CPO: variants seen among roughly 807,000 people sequenced by gnomAD.
The protein encoded by CPO is carboxypeptidase O, also known as metallocarboxypeptidase C.
A neutral mutation model predicts 41.2 loss-of-function variants in CPO; 43 were observed. The observed-to-expected ratio is 1.04, with a 90% CI of 0.82 to 1.35. The LOEUF (loss-of-function observed/expected upper bound fraction) is 1.35, where lower values mean the gene tolerates loss of function less well. CPO is among the 40% of genes most tolerant of loss of function. The pLI is 0.00. For synonymous variants in CPO, 178 were observed against 162.7 expected (o/e 1.09, Z -0.72); for missense variants, 408 against 451.7 (o/e 0.90, Z 0.88).
intron 1 of CPO, among the ~76,000 whole-genome samples, chr2:206,943,720 TGGATA>T (rs1559068382): frequency 7.4e-4 from 99 of 133,912 alleles, no homozygotes; most frequent in Non-Finnish European, 1.4e-3. Flanking sequence ...AGATAGATGA[TGGATA>T]GATGATAGAT....
intron 1 of CPO, among the ~76,000 whole-genome samples, chr2:206,942,115 T>C (rs1465424855): frequency 6.6e-6 from 1 of 152,190 alleles, no homozygotes; most frequent in Non-Finnish European, 1.5e-5. Context: ...TAAATGATAC[T>C]ATGTAACATA....
At chr2:206,956,695 T>C (rs553243890) in intron 3 of CPO, among the ~76,000 whole-genome samples, 1 of 152,332 alleles carries the variant, frequency 6.6e-6, no homozygotes, top group South Asian at 2.1e-4. Flanking sequence ...CACTCTTTAA[T>C]TAAGAACCAC....
chr2:206,968,413 G>A, intron 8 of CPO, 66 bp downstream of exon 8: 1 of 895,358 alleles, frequency 1.1e-6, no homozygotes, highest in South Asian at 1.3e-5. Context: ...GACTTTGGAT[G>A]GTGAGATAGG....
intron 2 of CPO, among the ~76,000 whole-genome samples, chr2:206,953,598 G>C (rs149053510): frequency 6.6e-6 from 1 of 152,222 alleles, no homozygotes; most frequent in Non-Finnish European, 1.5e-5. Context: ...AGTGTCTGCA[G>C]TTCTTCCAGG....
At chr2:206,954,406 C>CAA (rs3030108) in intron 2 of CPO, among the ~76,000 whole-genome samples, 85,698 of 151,694 alleles carry the variant, frequency 0.56, 25,042 homozygotes, top group Middle Eastern at 0.74. Flanking sequence ...TAAAGCATAA[C>CAA]GAGTCACCTT....
Position 206,943,678 on chromosome 2 carries a change from A to T in CPO, c.68+4011A>T, listed in dbSNP as rs188150948. 3.3e-3 allele frequency among the ~76,000 whole-genome samples: 226 copies of T among 67,918 alleles called. 1 individual carries two copies. The highest frequency in any genetic ancestry group is 0.015 in the African/African-American group (223 of 15,180). 44.6% of individuals were successfully genotyped at this position (67,918 alleles called of 152,430 possible). A position where few individuals can be genotyped will look rare whatever the true frequency, so the allele number is the denominator to read the frequency against. On this transcript the variant is annotated intron_variant, in intron 1 of 8. Coordinates refer to ENST00000272852, the MANE Select transcript of CPO (RefSeq NM_173077.3). ...GATCAAATGAAGATAGATAGATGAT[A>T]GATAGATAGATAGATAGATAGATAG...
intron 1 of CPO, among the ~76,000 whole-genome samples, chr2:206,942,004 A>G (rs559987169): frequency 6.6e-6 from 1 of 152,242 alleles, no homozygotes; most frequent in East Asian, 1.9e-4. Flanking sequence ...AATAAGAACA[A>G]AGATTTACAC....
At chr2:206,945,726 T>G (rs1693131707) in intron 1 of CPO, among the ~76,000 whole-genome samples, 1 of 152,048 alleles carries the variant, frequency 6.6e-6, no homozygotes, top group African/African-American at 2.4e-5. Context: ...TGTTAAAAAA[T>G]AAAGCATAAA....
chr2:206,964,688 AG>A (rs1693539800), intron 7 of CPO, among the ~76,000 whole-genome samples: 1 of 152,210 alleles, frequency 6.6e-6, no homozygotes, highest in Non-Finnish European at 1.5e-5. Context: ...AGAAATCTAC[AG>A]AATCAGATAT....
intron 1 of CPO, among the ~76,000 whole-genome samples, chr2:206,942,936 C>A (rs895261870): frequency 1.3e-5 from 2 of 152,074 alleles, no homozygotes; most frequent in African/African-American, 4.8e-5. Flanking sequence ...AATCCCAGAC[C>A]ATTCACTTTT....
intron 7 of CPO, among the ~76,000 whole-genome samples, chr2:206,965,755 G>A (rs961373670): frequency 6.6e-6 from 1 of 151,928 alleles, no homozygotes; most frequent in African/African-American, 2.4e-5. Context: ...GCGGGCCGGA[G>A]GTTTTTACAA....
At chr2:206,963,047 C>G (rs1191114597) in intron 7 of CPO, among the ~76,000 whole-genome samples, 1 of 152,220 alleles carries the variant, frequency 6.6e-6, no homozygotes, top group Non-Finnish European at 1.5e-5. Context: ...CTGCTCTCTT[C>G]TCTGCTAAAC....
intron 8 of CPO, among the ~76,000 whole-genome samples, chr2:206,968,753 GCT>G (rs1397008168): frequency 2.0e-5 from 3 of 152,140 alleles, no homozygotes; most frequent in African/African-American, 7.2e-5. Context: ...AAAGGAGAGC[GCT>G]CTGTTTCTCC....
chr2:206,949,939 A>G (rs897259069), intron 2 of CPO, among the ~76,000 whole-genome samples: 1 of 152,232 alleles, frequency 6.6e-6, no homozygotes, highest in Non-Finnish European at 1.5e-5. Context: ...AATAACAAAA[A>G]GAAAATGAAC....
intron 7 of CPO, among the ~76,000 whole-genome samples, chr2:206,965,661 A>G (rs1404840840): frequency 1.3e-5 from 2 of 152,112 alleles, no homozygotes; most frequent in East Asian, 1.9e-4. Flanking sequence ...CTACTAGGCC[A>G]GAGCTTTATT....
intron 3 of CPO, among the ~76,000 whole-genome samples, chr2:206,956,382 T>C (rs1022468220): frequency 1.3e-5 from 2 of 151,498 alleles, no homozygotes; most frequent in African/African-American, 4.9e-5. Context: ...AACCAGTGGT[T>C]TTCAAAGGGC....
At chr2:206,959,220 T>C (rs373054380) in intron 4 of CPO, among the ~76,000 whole-genome samples, 1 of 152,214 alleles carries the variant, frequency 6.6e-6, no homozygotes, top group Non-Finnish European at 1.5e-5. Context: ...ACTTTCTTGG[T>C]CAGTTTTTTC....
chr2:206,965,692 C>A (rs1179236081), intron 7 of CPO, among the ~76,000 whole-genome samples: 1 of 152,116 alleles, frequency 6.6e-6, no homozygotes, highest in Non-Finnish European at 1.5e-5. Flanking sequence ...GTGGGCCTGC[C>A]TCTGAATATA....
At chr2:206,942,583 T>C (rs1348354672) in intron 1 of CPO, among the ~76,000 whole-genome samples, 1 of 152,166 alleles carries the variant, frequency 6.6e-6, no homozygotes, top group East Asian at 1.9e-4. Context: ...ACCATCATCT[T>C]TGATCTGCAG....
Sources: gnomAD v4.1 joint callset for allele counts (sites outside exome capture counted in the v4.1 genomes callset) on GRCh38, gnomAD v4.1.1 for gene constraint, MANE v1.5 for transcripts, NCBI Gene and HGNC (gene_info 2026-07-23, HGNC 2026-07-21) for gene names.